The following KCNH7 variants were observed in gnomAD, a reference collection of about 807,000 sequenced individuals.
KCNH7 encodes the protein voltage-gated inwardly rectifying potassium channel KCNH7.
A neutral mutation model predicts 120.8 loss-of-function variants in KCNH7; 49 were observed. The observed-to-expected ratio is 0.41, with a 90% CI of 0.32 to 0.51. The LOEUF is 0.51. Among genes scored for constraint, KCNH7 ranks in the 20% least tolerant of loss-of-function variants. The pLI, the probability that KCNH7 is intolerant of heterozygous loss-of-function variation, is 0.38. For synonymous variants in KCNH7, 547 were observed against 516.1 expected, an observed-to-expected ratio of 1.06 and a Z score of -0.81; for missense variants, 1,097 against 1,446.6, an observed-to-expected ratio of 0.76 and a Z score of 3.92.
intron 2 of KCNH7, among the ~76,000 whole-genome samples, chr2:162,828,532 T>C (rs1327071795): frequency 6.6e-6 from 1 of 151,978 alleles, no homozygotes; most frequent in African/African-American, 2.4e-5. Context: ...AAAGAATTAA[T>C]GTCCTATCAA....
intron 6 of KCNH7, among the ~76,000 whole-genome samples, chr2:162,454,470 T>A (rs1181041754): frequency 6.6e-6 from 1 of 152,150 alleles, no homozygotes; most frequent in African/African-American, 2.4e-5. Flanking sequence ...TAAAGTAGAT[T>A]TTTTCTATTT....
At chr2:162,558,016 G>A (rs567290506) in intron 2 of KCNH7, among the ~76,000 whole-genome samples, 8 of 152,220 alleles carry the variant, frequency 5.3e-5, no homozygotes, top group East Asian at 1.9e-4. Flanking sequence ...TCTGTGTACC[G>A]TGCAATTTCT....
intron 2 of KCNH7, chr2:162,796,013 C>A (rs1428610294): frequency 6.6e-6 from 1 of 151,986 alleles, no homozygotes; most frequent in African/African-American, 2.4e-5. Context: ...AAACCAGGCT[C>A]AAGGAACAAA....
chr2:162,690,817 A>G (rs1291375471), intron 2 of KCNH7, among the ~76,000 whole-genome samples: 5 of 152,182 alleles, frequency 3.3e-5, no homozygotes, highest in Non-Finnish European at 7.4e-5. Context: ...ACTTGCACAG[A>G]AAAGTTTACT....
chr2:162,398,101 A>T (rs1686965940), intron 10 of KCNH7, among the ~76,000 whole-genome samples: 1 of 151,836 alleles, frequency 6.6e-6, no homozygotes. Context: ...ATACATACTG[A>T]TATATTACTT....
At chr2:162,479,368 T>G (rs1045890865) in intron 6 of KCNH7, among the ~76,000 whole-genome samples, 5 of 152,130 alleles carry the variant, frequency 3.3e-5, no homozygotes, top group Non-Finnish European at 7.4e-5. Context: ...ATGAAAGGCT[T>G]GTGAACTTTA....
At chr2:162,536,801 T>G in intron 3 of KCNH7, 124 bp downstream of exon 3, 1 of 1,019,748 alleles carries the variant, frequency 9.8e-7, no homozygotes, top group African/African-American at 1.6e-5. Context: ...GGCTTACTCA[T>G]GTCAAATTAT....
intron 2 of KCNH7, among the ~76,000 whole-genome samples, chr2:162,592,558 C>A (rs1694244555): frequency 6.6e-6 from 1 of 151,984 alleles, no homozygotes; most frequent in South Asian, 2.1e-4. Context: ...GGTGTCAGGA[C>A]TTAGGTGATC....
intron 2 of KCNH7, among the ~76,000 whole-genome samples, chr2:162,733,237 G>A (rs1050607062): frequency 8.5e-5 from 13 of 152,144 alleles, no homozygotes; most frequent in African/African-American, 2.4e-4. Context: ...AGTTAGCATG[G>A]ATCGTTCCCA....
intron 2 of KCNH7, among the ~76,000 whole-genome samples, chr2:162,543,719 C>G (rs1471400906): frequency 2.0e-5 from 3 of 152,026 alleles, no homozygotes; most frequent in Non-Finnish European, 4.4e-5. Flanking sequence ...GGACAAATTA[C>G]TTAGTCTTTC....
intron 2 of KCNH7, among the ~76,000 whole-genome samples, chr2:162,574,830 T>C (rs1022340529): frequency 6.6e-5 from 10 of 152,076 alleles, no homozygotes; most frequent in African/African-American, 2.4e-4. Flanking sequence ...CAGTTGCACA[T>C]TCTTTCCTCT....
chr2:162,576,535 T>C (rs780355949), intron 2 of KCNH7, among the ~76,000 whole-genome samples: 103 of 152,220 alleles, frequency 6.8e-4, no homozygotes, highest in African/African-American at 2.4e-3. Flanking sequence ...CCTTCCTTTT[T>C]ACCTAATCTT....
chr2:162,399,305 CT>C (rs1480334560), intron 10 of KCNH7, among the ~76,000 whole-genome samples: 2 of 151,780 alleles, frequency 1.3e-5, no homozygotes, highest in Middle Eastern at 3.4e-3. Context: ...TAAAGAAGTA[CT>C]ACAAGTTCAC....
At chr2:162,472,240 G>T (rs1689566071) in intron 6 of KCNH7, among the ~76,000 whole-genome samples, 2 of 152,114 alleles carry the variant, frequency 1.3e-5, no homozygotes, top group Admixed American at 6.5e-5. Flanking sequence ...TGACAAATGG[G>T]ATCTAATTAA....
intron 2 of KCNH7, among the ~76,000 whole-genome samples, chr2:162,675,950 T>A (rs1363456636): frequency 1.3e-5 from 2 of 151,498 alleles, no homozygotes; most frequent in Non-Finnish European, 3.0e-5. Flanking sequence ...GGAAGTTATA[T>A]GTCTGTTTAC....
intron 2 of KCNH7, among the ~76,000 whole-genome samples, chr2:162,758,992 TAATGAA>T (rs1688880128): frequency 6.6e-6 from 1 of 152,166 alleles, no homozygotes; most frequent in African/African-American, 2.4e-5. Flanking sequence ...TTGGTTGATC[TAATGAA>T]AATTCCTTGT....
chr2:162,773,194 C>T (rs1683119574), intron 2 of KCNH7, among the ~76,000 whole-genome samples: 1 of 152,116 alleles, frequency 6.6e-6, no homozygotes, highest in African/African-American at 2.4e-5. Context: ...CCTCCAATAT[C>T]AAAGGAATAG....
intron 2 of KCNH7, among the ~76,000 whole-genome samples, chr2:162,645,223 C>T (rs1360816304): frequency 2.6e-5 from 4 of 152,134 alleles, no homozygotes; most frequent in Non-Finnish European, 2.9e-5. Flanking sequence ...TCTTGGCTCA[C>T]TGCAACCTCC....
chr2:162,616,557 A>G (rs1471581872), intron 2 of KCNH7, among the ~76,000 whole-genome samples: 1 of 152,056 alleles, frequency 6.6e-6, no homozygotes, highest in Non-Finnish European at 1.5e-5. Flanking sequence ...TGGTGTTTAA[A>G]TTCCCTTCCA....
Sources: allele counts gnomAD v4.1 joint callset (sites outside exome capture counted in the v4.1 genomes callset), GRCh38; gene constraint gnomAD v4.1.1; transcripts MANE v1.5; gene names NCBI Gene and HGNC (gene_info 2026-07-23, HGNC 2026-07-21).